KCNH5: variants seen among roughly 807,000 people sequenced by gnomAD.
The protein encoded by KCNH5 is voltage-gated delayed rectifier potassium channel KCNH5.
In KCNH5, 46 loss-of-function variants were observed where a neutral mutation model predicts 96.1. That is an observed-to-expected ratio of 0.48 (90% CI 0.38 to 0.61). KCNH5 has a LOEUF of 0.61. KCNH5 is among the 20% of genes least tolerant of loss of function. The pLI, the probability that KCNH5 is intolerant of heterozygous loss-of-function variation, is 0.00. For missense variants in KCNH5, 907 were observed against 1,225.8 expected (o/e 0.74, Z 3.88); for synonymous variants, 439 against 449.8 (o/e 0.98, Z 0.30).
Position 62,872,842 on chromosome 14 carries a change from T to C in KCNH5, c.1370-22990A>G, listed in dbSNP as rs55951450. 6.4e-3 allele frequency among the ~76,000 whole-genome samples: 966 copies of C among 152,064 alleles called. 12 individuals carry two copies. Among genetic ancestry groups the C allele is most frequent in the African/African-American group, 0.022 (929 of 41,484 alleles). On this transcript the variant is annotated intron_variant, in intron 7 of 10. Transcript: ENST00000322893. ...ACAAATAGATGAGGACCTTGGAGTA[T>C]GGTGAGATGGCAGTGGAAATGACAG...
intron 10 of KCNH5, among the ~76,000 whole-genome samples, chr14:62,766,249 C>A (rs1310486264): frequency 6.6e-6 from 1 of 152,098 alleles, no homozygotes; most frequent in South Asian, 2.1e-4. Context: ...AGTACAACCA[C>A]TATGTATAAC....
intron 6 of KCNH5, among the ~76,000 whole-genome samples, chr14:62,955,176 C>G (rs1890080868): frequency 6.6e-6 from 1 of 151,768 alleles, no homozygotes; most frequent in Admixed American, 6.6e-5. Context: ...TATTTATATT[C>G]AAATACACAG....
intron 9 of KCNH5, among the ~76,000 whole-genome samples, chr14:62,787,811 C>A (rs1229285621): frequency 1.3e-5 from 2 of 152,160 alleles, no homozygotes; most frequent in Non-Finnish European, 2.9e-5. Flanking sequence ...CTGTTTATAG[C>A]ATGCTTTACT....
chr14:62,950,294 T>C lies in KCNH5; in HGVS notation c.1208A>G (p.Asn403Ser). Residue 403 changes from asparagine (N) to serine (S), a missense_variant, in exon 7 of 11, where the codon AAT (asparagine) becomes AGT (serine). Physicochemically the swap from Asn to Ser is conservative, Grantham distance 46. Coordinates refer to ENST00000322893, the MANE Select transcript of KCNH5 (RefSeq NM_139318.5). ...TCCTTCCCATATCCCAGCACTGGTATTGTAGCGATATGGAGTCCCAATGCT... is the reference window on the plus strand; with the variant it reads ...TCCTTCCCATATCCCAGCACTGGTACTGTAGCGATATGGAGTCCCAATGCT... The part of the protein sequence containing the change: ...ALSIGTPYRY[N>S]TSAGIWEGGP... 1 of 1,614,058 alleles carries C rather than the reference T, an allele frequency of 6.2e-7. No homozygotes were observed. The highest frequency in any genetic ancestry group is 8.5e-7 in the Non-Finnish European group (1 of 1,179,976).
At chr14:62,751,384 G>T (rs1215855350) in intron 10 of KCNH5, among the ~76,000 whole-genome samples, 1 of 152,202 alleles carries the variant, frequency 6.6e-6, no homozygotes, top group Non-Finnish European at 1.5e-5. Flanking sequence ...ATTCTTACCT[G>T]CCATGTCATT....
chr14:63,021,227 C>T (rs1891420394), intron 1 of KCNH5, among the ~76,000 whole-genome samples: 1 of 151,996 alleles, frequency 6.6e-6, no homozygotes. Context: ...CCCTGAAACC[C>T]TTCCTGTATC....
At chr14:62,785,334 A>G (rs540515838) in intron 9 of KCNH5, among the ~76,000 whole-genome samples, 48 of 152,384 alleles carry the variant, frequency 3.1e-4, no homozygotes, top group African/African-American at 9.6e-4. Context: ...GGCATAGAAT[A>G]TCTAACGTGC....
At position 62,980,889 on chromosome 14, in the gene KCNH5, A is replaced by C. The variant is rs756359195; in HGVS notation, c.925T>G (p.Phe309Val). 1 of 1,613,550 alleles carries C rather than the reference A, an allele frequency of 6.2e-7. No homozygotes were observed. Among genetic ancestry groups the C allele is most frequent in the South Asian group, 1.1e-5 (1 of 90,858 alleles). ...AAACTTACCTCATCCACATTTTCAA[A>C]GGCATTGATGATGTCATAAGGTAAA... Reference protein sequence around the residue: ...SCLPYDIINAFENVDEGISSL... With the variant: ...SCLPYDIINAVENVDEGISSL... Residue 309 changes from phenylalanine (F) to valine (V), a missense_variant, in exon 6 of 11, where the codon TTT becomes GTT. Physicochemically the swap from Phe to Val is conservative, Grantham distance 50 (BLOSUM62 -1). This residue lies in a region of KCNH5 where 370 missense variants were observed against 561.3 expected (regional missense o/e 0.66). Coordinates refer to ENST00000322893, the MANE Select transcript of KCNH5 (RefSeq NM_139318.5).
At chr14:62,759,066 T>G (rs1031232888) in intron 10 of KCNH5, among the ~76,000 whole-genome samples, 6 of 152,248 alleles carry the variant, frequency 3.9e-5, no homozygotes, top group Non-Finnish European at 7.3e-5. Context: ...AAAGTCTTTA[T>G]AACTCAATAG....
intron 1 of KCNH5, among the ~76,000 whole-genome samples, chr14:63,042,924 G>A (rs1280660941): frequency 6.6e-6 from 1 of 152,066 alleles, no homozygotes; most frequent in Admixed American, 6.5e-5. Context: ...TTGAGTAGTG[G>A]TATTCAAAGT....
intron 9 of KCNH5, 63 bp from the exon 10 acceptor site, chr14:62,779,987 T>C: frequency 7.2e-7 from 1 of 1,383,738 alleles, no homozygotes. Flanking sequence ...ATCACTCTTG[T>C]TATTCAGTTT....
intron 6 of KCNH5, among the ~76,000 whole-genome samples, chr14:62,961,903 G>A (rs1169652932): frequency 6.9e-6 from 1 of 144,904 alleles, no homozygotes; most frequent in East Asian, 2.2e-4. Context: ...TGGAGATGAT[G>A]CAGATGGAGA....
intron 10 of KCNH5, among the ~76,000 whole-genome samples, chr14:62,762,506 C>T (rs1386815759): frequency 6.6e-6 from 1 of 152,214 alleles, no homozygotes; most frequent in Non-Finnish European, 1.5e-5. Context: ...ATGTACACTC[C>T]ACCACAACGT....
At chr14:62,764,525 C>T (rs1885818808) in intron 10 of KCNH5, among the ~76,000 whole-genome samples, 1 of 152,114 alleles carries the variant, frequency 6.6e-6, no homozygotes, top group African/African-American at 2.4e-5. Context: ...CTAGCCAGGG[C>T]AATCAGGCAA....
chr14:62,885,166 A>T (rs934258419), intron 7 of KCNH5, among the ~76,000 whole-genome samples: 4 of 152,178 alleles, frequency 2.6e-5, no homozygotes, highest in African/African-American at 9.7e-5. Context: ...CAATTTTTTT[A>T]AAAAACATAA....
At chr14:62,947,744 G>A (rs1889917482) in intron 7 of KCNH5, among the ~76,000 whole-genome samples, 2 of 147,070 alleles carry the variant, frequency 1.4e-5, no homozygotes, top group South Asian at 2.1e-4. Flanking sequence ...CACAAAAACC[G>A]ATGACCATGA....
intron 1 of KCNH5, among the ~76,000 whole-genome samples, chr14:63,028,613 T>G (rs1159314692): frequency 1.3e-5 from 2 of 152,088 alleles, no homozygotes; most frequent in Non-Finnish European, 2.9e-5. Context: ...TCTGTCTCTT[T>G]TTTTTGCTTT....
intron 1 of KCNH5, among the ~76,000 whole-genome samples, chr14:63,018,305 T>G (rs1891363782): frequency 6.6e-6 from 1 of 151,840 alleles, no homozygotes. Flanking sequence ...GGTCACAATT[T>G]GGGGGTGGCA....
chr14:62,997,890 A>C (rs1206151670), intron 4 of KCNH5, among the ~76,000 whole-genome samples: 1 of 125,738 alleles, frequency 8.0e-6, no homozygotes, highest in Non-Finnish European at 1.6e-5. Flanking sequence ...ACAGAGCCAG[A>C]CTCCATCTCA....
Sources: allele counts gnomAD v4.1 joint callset (sites outside exome capture counted in the v4.1 genomes callset), GRCh38; gene constraint gnomAD v4.1.1; regional missense constraint gnomAD v4.1.1; transcripts MANE v1.5; gene names NCBI Gene and HGNC (gene_info 2026-07-23, HGNC 2026-07-21).